SHCBP1L: variants seen among roughly 807,000 people sequenced by gnomAD.
SHCBP1L encodes SHC binding and spindle associated 1 like.
A neutral mutation model predicts 62.5 loss-of-function variants in SHCBP1L; 67 were observed. The ratio of observed to expected loss-of-function variants is 1.07; its 90% CI spans 0.88 to 1.31. The LOEUF is 1.31. SHCBP1L is among the 40% of genes most tolerant of loss of function. The probability of loss-of-function intolerance (pLI) is 0.00; values close to 1 mark genes in which losing one functional copy is unlikely to be tolerated. For synonymous variants in SHCBP1L, 284 were observed against 289.4 expected, an observed-to-expected ratio of 0.98 and a Z score of 0.19; for missense variants, 823 against 809.8, an observed-to-expected ratio of 1.02 and a Z score of -0.20.
chr1:182,925,296 T>C (rs1405277891), intron 6 of SHCBP1L, among the ~76,000 whole-genome samples: 1 of 152,128 alleles, frequency 6.6e-6, no homozygotes, highest in Non-Finnish European at 1.5e-5. Context: ...AATAAGGGTC[T>C]AGTATTCAGA....
chr1:182,923,895 G>A (rs980332533), intron 6 of SHCBP1L, among the ~76,000 whole-genome samples: 4 of 152,068 alleles, frequency 2.6e-5, no homozygotes, highest in African/African-American at 9.7e-5. Flanking sequence ...GAGCAATCAG[G>A]CAAAAGACAG....
chr1:182,923,970 T>C (rs144471476), intron 6 of SHCBP1L, among the ~76,000 whole-genome samples: 2,983 of 152,312 alleles, frequency 0.02, 52 homozygotes, highest in Non-Finnish European at 0.03. Context: ...TATATGATTT[T>C]ATACCTAGAA....
rs766365262 is a variant in SHCBP1L at position 182,940,462 on chromosome 1, C to G, written c.637G>C (p.Ala213Pro). 2 of 1,613,894 alleles carry G rather than the reference C, an allele frequency of 1.2e-6. No homozygotes were observed. The highest frequency in any genetic ancestry group is 1.1e-5 in the South Asian group (1 of 91,066). The change falls in exon 3 of 10, where the codon GCA becomes CCA. Residue 213 changes from alanine (A) to proline (P), a missense_variant. Transcript: ENST00000367547. ...SVAEPFSSNIANIPRDLVDEI... is the reference protein window; with the variant it reads ...SVAEPFSSNIPNIPRDLVDEI... Reference sequence around the variant, plus strand: ...TCAACCAAATCTCTTGGAATATTTGCAATGTTGGAAGAAAAGGGCTCAGCA... The same window carrying G: ...TCAACCAAATCTCTTGGAATATTTGGAATGTTGGAAGAAAAGGGCTCAGCA...
Position 182,904,364 on chromosome 1 carries a change from T to C in SHCBP1L, c.1403A>G (p.Lys468Arg). ...EPSRDSFVVS[K>R]ADNVKLMHLS... ...ATGCATTAGTTTCACATTGTCAGCT[T>C]TGGACACCACAAAACTGTCACGAGA... Residue 468 changes from lysine to arginine, a missense_variant, in exon 8 of 10, where the codon AAA becomes AGA. Transcript: ENST00000367547. The C allele has an allele frequency of 6.2e-7, 1 of 1,614,140 alleles. No homozygotes were observed. Among genetic ancestry groups the C allele is most frequent in the Non-Finnish European group, 8.5e-7 (1 of 1,180,036 alleles).
intron 5 of SHCBP1L, among the ~76,000 whole-genome samples, chr1:182,938,542 C>A (rs1651253369): frequency 6.6e-6 from 1 of 152,122 alleles, no homozygotes; most frequent in African/African-American, 2.4e-5. Context: ...CTTACTGCAG[C>A]CTCAAACTCT....
intron 6 of SHCBP1L, among the ~76,000 whole-genome samples, chr1:182,925,515 A>G (rs1650717723): frequency 6.6e-6 from 1 of 152,204 alleles, no homozygotes; most frequent in Non-Finnish European, 1.5e-5. Context: ...CGCTAGGATC[A>G]CTGTAATTTT....
intron 6 of SHCBP1L, among the ~76,000 whole-genome samples, chr1:182,921,073 T>C (rs1163963722): frequency 1.3e-5 from 2 of 152,180 alleles, no homozygotes; most frequent in African/African-American, 2.4e-5. Flanking sequence ...GACATAGTCA[T>C]CAGATTCTTC....
chr1:182,910,624 ATCAGGGCT>A (rs1372970167), intron 6 of SHCBP1L, among the ~76,000 whole-genome samples: 2 of 152,210 alleles, frequency 1.3e-5, no homozygotes, highest in African/African-American at 4.8e-5. Flanking sequence ...CTTGAAAGGA[ATCAGGGCT>A]TCCCATATAC....
intron 5 of SHCBP1L, among the ~76,000 whole-genome samples, chr1:182,931,942 GATTTTT>G (rs1651010076): frequency 1.2e-5 from 1 of 81,744 alleles, no homozygotes; most frequent in African/African-American, 7.5e-5. Flanking sequence ...GGGAACCACT[GATTTTT>G]TTTTTTTTTT....
chr1:182,925,415 C>A (rs1354237490), intron 6 of SHCBP1L, among the ~76,000 whole-genome samples: 2 of 151,982 alleles, frequency 1.3e-5, no homozygotes, highest in African/African-American at 4.8e-5. Context: ...AAATGGCCAA[C>A]AAGTCCATGG....
At chr1:182,903,185 C>G (rs755210951) in intron 8 of SHCBP1L, 24 bp from the exon 9 acceptor site, 3 of 1,501,788 alleles carry the variant, frequency 2.0e-6, no homozygotes, top group Non-Finnish European at 2.7e-6. Flanking sequence ...GCAAATAAAA[C>G]TATCTACAAA....
intron 2 of SHCBP1L, among the ~76,000 whole-genome samples, chr1:182,951,027 G>C (rs1197921817): frequency 6.6e-6 from 1 of 152,008 alleles, no homozygotes; most frequent in East Asian, 1.9e-4. Flanking sequence ...GTTTGTTAAA[G>C]ACTGAATCAC....
At position 182,942,878 on chromosome 1, in the gene SHCBP1L, A is replaced by G. The variant is rs527750178; in HGVS notation, c.556-2335T>C. Reference sequence around the variant, plus strand: ...AACAATAATCACTTAAATACAGGAAATATCTTCAAATCACTAACCAAACTT... The same window carrying G: ...AACAATAATCACTTAAATACAGGAAGTATCTTCAAATCACTAACCAAACTT... On this transcript the variant is annotated intron_variant, in intron 2 of 9. Coordinates refer to ENST00000367547, the MANE Select transcript of SHCBP1L (RefSeq NM_030933.4). Among the ~76,000 whole-genome samples the G allele has an allele frequency of 5.3e-5, 8 of 152,338 alleles. No homozygotes were observed. In the East Asian group the frequency reaches 1.3e-3, roughly 26 times the overall value.
At chr1:182,920,525 C>G (rs997460638) in intron 6 of SHCBP1L, among the ~76,000 whole-genome samples, 2 of 152,166 alleles carry the variant, frequency 1.3e-5, no homozygotes, top group African/African-American at 4.8e-5. Flanking sequence ...TGTCTTCTTA[C>G]CGCCAAACAA....
intron 6 of SHCBP1L, among the ~76,000 whole-genome samples, chr1:182,908,884 A>T (rs935751178): frequency 1.3e-5 from 2 of 152,220 alleles, no homozygotes; most frequent in African/African-American, 2.4e-5. Flanking sequence ...TGGGATTTTT[A>T]AAAAATTTGT....
At chr1:182,916,620 T>C (rs905597924) in intron 6 of SHCBP1L, among the ~76,000 whole-genome samples, 4 of 152,160 alleles carry the variant, frequency 2.6e-5, no homozygotes, top group Admixed American at 1.3e-4. Flanking sequence ...ACAAATGCAC[T>C]GATTTCATAC....
intron 7 of SHCBP1L, 55 bp downstream of exon 7, chr1:182,905,441 C>T: frequency 6.6e-7 from 1 of 1,525,440 alleles, no homozygotes; most frequent in Non-Finnish European, 8.9e-7. Context: ...TTAGAATACA[C>T]AATTTGTCCA....
chr1:182,942,044 T>G (rs1651386732), intron 2 of SHCBP1L: 7 of 872,276 alleles, frequency 8.0e-6, no homozygotes, highest in African/African-American at 1.7e-5. Context: ...GATAAAAATA[T>G]TCCTCTGGAT....
At chr1:182,943,391 G>A (rs997961964) in intron 2 of SHCBP1L, among the ~76,000 whole-genome samples, 5 of 150,518 alleles carry the variant, frequency 3.3e-5, no homozygotes, top group African/African-American at 1.2e-4. Context: ...CAAAGCGCTG[G>A]GATTACAGGA....
Sources: allele counts gnomAD v4.1 joint callset (sites outside exome capture counted in the v4.1 genomes callset), GRCh38; gene constraint gnomAD v4.1.1; transcripts MANE v1.5; gene names NCBI Gene and HGNC (gene_info 2026-07-23, HGNC 2026-07-21).